The following ANK3 variants were observed in gnomAD, a reference collection of about 807,000 sequenced individuals.
ANK3 encodes the protein ankyrin-3.
ANK3 carries 57 observed loss-of-function variants against 370.9 expected under a neutral mutation model. That is an observed-to-expected ratio of 0.15 (90% CI 0.12 to 0.19). The LOEUF is 0.19. Among genes scored for constraint, ANK3 ranks in the 10% least tolerant of loss-of-function variants. ANK3 has a pLI of 1.00. For missense variants in ANK3, 4,439 were observed against 5,302.1 expected, an observed-to-expected ratio of 0.84 and a Z score of 5.06; for synonymous variants, 1,929 against 1,946.3, an observed-to-expected ratio of 0.99 and a Z score of 0.23.
intron 9 of ANK3, among the ~76,000 whole-genome samples, chr10:60,211,119 C>T (rs2096847619): frequency 6.6e-6 from 1 of 152,140 alleles, no homozygotes. Flanking sequence ...AGCGTAGTAC[C>T]TCAGAAGATA....
chr10:60,043,404 A>C (rs757918733), intron 42 of ANK3: 21 of 983,220 alleles, frequency 2.1e-5, no homozygotes, highest in Non-Finnish European at 2.3e-5. Context: ...TAATGTAAAC[A>C]TTGTCTATTG....
chr10:60,182,327 T>C (rs2096217560), intron 17 of ANK3, among the ~76,000 whole-genome samples: 1 of 152,238 alleles, frequency 6.6e-6, no homozygotes, highest in African/African-American at 2.4e-5. Flanking sequence ...TTAGATGATG[T>C]ATGGATTTAA....
At chr10:60,055,168 T>G (rs2078914204) in intron 42 of ANK3, among the ~76,000 whole-genome samples, 1 of 145,342 alleles carries the variant, frequency 6.9e-6, no homozygotes, top group Non-Finnish European at 1.6e-5. Context: ...TTCATCTCTT[T>G]AATTTTTAAA....
chr10:60,486,382 C>T (rs951828290), intron 2 of ANK3, among the ~76,000 whole-genome samples: 2 of 152,150 alleles, frequency 1.3e-5, no homozygotes, highest in Non-Finnish European at 2.9e-5. Flanking sequence ...AGTTCAAGAC[C>T]AGCCTGGCCA....
At chr10:60,200,742 A>G (rs770631997) in intron 12 of ANK3, among the ~76,000 whole-genome samples, 1 of 152,204 alleles carries the variant, frequency 6.6e-6, no homozygotes, top group Non-Finnish European at 1.5e-5. Context: ...TTAAATATTG[A>G]CCATAAATTC....
In ANK3 at chr10:60,542,274, T is replaced by C. The variant is rs911023508; in HGVS notation, c.96+72912A>G. On this transcript the variant is annotated intron_variant, in intron 2 of 43. Coordinates refer to the ANK3 transcript ENST00000373827. Reference sequence around the variant, plus strand: ...CCTCAGAAACTGTCCAGTTCTTTTATTGAGACTGAGATGCTGTATTACAGT... The same window carrying C: ...CCTCAGAAACTGTCCAGTTCTTTTACTGAGACTGAGATGCTGTATTACAGT... Among the ~76,000 whole-genome samples the C allele has an allele frequency of 3.3e-5, 5 of 152,042 alleles. No individual in the cohort carries two copies. The East Asian group carries it at 7.7e-4, about 23-fold the overall frequency.
At chr10:60,448,886 T>C (rs2064522051) in intron 2 of ANK3, among the ~76,000 whole-genome samples, 1 of 151,802 alleles carries the variant, frequency 6.6e-6, no homozygotes. Context: ...TTTTGGCCAA[T>C]GGCTCCAACC....
At chr10:60,586,119 C>T (rs1352714707) in intron 2 of ANK3, among the ~76,000 whole-genome samples, 1 of 151,900 alleles carries the variant, frequency 6.6e-6, no homozygotes, top group Non-Finnish European at 1.5e-5. Context: ...CCAAAGTTAC[C>T]TTCAAACTTG....
chr10:60,536,295 C>T (rs1199929342), intron 2 of ANK3, among the ~76,000 whole-genome samples: 1 of 151,876 alleles, frequency 6.6e-6, no homozygotes, highest in African/African-American at 2.4e-5. Context: ...ATCTGCATCC[C>T]CTTAGTTAAG....
chr10:60,531,091 G>A (rs1241389656), intron 2 of ANK3, among the ~76,000 whole-genome samples: 1 of 152,148 alleles, frequency 6.6e-6, no homozygotes, highest in Non-Finnish European at 1.5e-5. Context: ...TGAATGGAGA[G>A]GATGAGGTGA....
At chr10:60,696,774 T>G (rs1302647084) in intron 1 of ANK3, among the ~76,000 whole-genome samples, 1 of 145,502 alleles carries the variant, frequency 6.9e-6, no homozygotes, top group Non-Finnish European at 1.5e-5. Flanking sequence ...GAGCTATCTA[T>G]GACAAACCCA....
intron 2 of ANK3, among the ~76,000 whole-genome samples, chr10:60,564,771 G>A (rs558633139): frequency 1.3e-5 from 2 of 152,122 alleles, no homozygotes; most frequent in Admixed American, 6.5e-5. Flanking sequence ...ATACAGTTAC[G>A]AAGTCTACCC....
intron 2 of ANK3, among the ~76,000 whole-genome samples, chr10:60,472,610 A>G (rs989975200): frequency 1.3e-5 from 2 of 152,140 alleles, no homozygotes; most frequent in African/African-American, 2.4e-5. Flanking sequence ...CATTTTATAA[A>G]CTTATCAGAA....
At chr10:60,244,915 A>G (rs1281297284) in intron 7 of ANK3, among the ~76,000 whole-genome samples, 1 of 152,186 alleles carries the variant, frequency 6.6e-6, no homozygotes, top group Non-Finnish European at 1.5e-5. Flanking sequence ...CACGCCTGTA[A>G]TCCCAGCACT....
chr10:60,595,055 A>T (rs1237438636), intron 2 of ANK3, among the ~76,000 whole-genome samples: 1 of 152,170 alleles, frequency 6.6e-6, no homozygotes, highest in Non-Finnish European at 1.5e-5. Context: ...AAATGTTCAG[A>T]CCTTGATATG....
intron 1 of ANK3, among the ~76,000 whole-genome samples, chr10:60,292,719 T>TG (rs1484711035): frequency 2.6e-5 from 4 of 151,276 alleles, no homozygotes; most frequent in African/African-American, 9.7e-5. Flanking sequence ...CTTTCTTTTT[T>TG]TTTTTTTTTG....
chr10:60,213,544 T>C (rs772565563), intron 8 of ANK3, 34 bp from the exon 9 acceptor site: 2 of 1,460,882 alleles, frequency 1.4e-6, no homozygotes, highest in South Asian at 2.5e-5. Flanking sequence ...CAATTAAATT[T>C]GACAATAAAT....
At chr10:60,583,462 T>A (rs1185515354) in intron 2 of ANK3, among the ~76,000 whole-genome samples, 1 of 151,712 alleles carries the variant, frequency 6.6e-6, no homozygotes, top group Non-Finnish European at 1.5e-5. Flanking sequence ...TGATTAGAGC[T>A]AAGAACAATG....
At chr10:60,240,451 T>C (rs1198112922) in intron 7 of ANK3, among the ~76,000 whole-genome samples, 1 of 151,076 alleles carries the variant, frequency 6.6e-6, no homozygotes, top group Non-Finnish European at 1.5e-5. Context: ...ATTACAGGCA[T>C]GTGCCACCAC....
Sources: gnomAD v4.1 joint callset for allele counts (sites outside exome capture counted in the v4.1 genomes callset) on GRCh38, gnomAD v4.1.1 for gene constraint, MANE v1.5 for transcripts, NCBI Gene and HGNC (gene_info 2026-07-23, HGNC 2026-07-21) for gene names.